The following KCNV1 variants were observed in gnomAD, a reference collection of about 807,000 sequenced individuals.
The protein encoded by KCNV1 is potassium voltage-gated channel subfamily V member 1.
In KCNV1, 2 loss-of-function variants were observed where a neutral mutation model predicts 36.4. That is an observed-to-expected ratio of 0.05 (90% CI 0.02 to 0.17). KCNV1 has a LOEUF of 0.17. Among genes scored for constraint, KCNV1 ranks in the 10% least tolerant of loss-of-function variants. The probability of loss-of-function intolerance (pLI) is 1.00; values close to 1 mark genes in which losing one functional copy is unlikely to be tolerated. For synonymous variants in KCNV1, 280 were observed against 261.1 expected, an observed-to-expected ratio of 1.07 and a Z score of -0.70; for missense variants, 321 against 643.6, an observed-to-expected ratio of 0.50 and a Z score of 5.42.
chr8:109,967,979 G>A lies in KCNV1; in HGVS notation c.*109C>T. 9.3e-7 allele frequency: 1 copy of A among 1,072,256 alleles called. No homozygotes were observed. The allele number at this position is 1,072,256 out of a possible 1,614,324, so 66.4% of individuals were successfully genotyped here. On this transcript the variant is annotated 3_prime_UTR_variant, in exon 4 of 4. Coordinates refer to ENST00000524391, the MANE Select transcript of KCNV1 (RefSeq NM_014379.4). ...CAATATATCAGCAAAAATTAATTAA[G>A]ATGAGCAGTACTCTGAAGAGACTCA...
chr8:109,974,238 C>T lies in KCNV1; in HGVS notation c.151G>A (p.Val51Met). ...FTVNVGGSRF[V>M]LSQQALSCFP... is the part of the protein sequence containing the mutation. ...CAGGACAGCGCCTGCTGCGAGAGCA[C>T]GAAGCGGCTGCCGCCCACGTTGACC... is the stretch of plus-strand genomic sequence containing the variant. The change falls in exon 2 of 4, where the codon GTG becomes ATG. Residue 51 changes from valine (V) to methionine (M), a missense_variant. Around this residue, in one of 5 missense-constraint regions of KCNV1, gnomAD observed 60 missense variants for 160.5 expected, o/e 0.37. Coordinates refer to ENST00000524391, the MANE Select transcript of KCNV1 (RefSeq NM_014379.4). The surrounding 1 kb of genome is among the most constrained non-coding windows in gnomAD (Gnocchi z 6.2). 1.9e-6 allele frequency: 3 copies of T among 1,565,468 alleles called. No homozygotes were observed. The highest frequency in any genetic ancestry group is 2.6e-6 in the Non-Finnish European group (3 of 1,156,432).
Position 109,966,207 on chromosome 8 carries a change from A to C in KCNV1, c.*1881T>G, listed in dbSNP as rs1270186048. ...TGAATACAGAGCATAGTCCTGGATC[A>C]GAGTAACTATTCTTATTAGGGAAAG... On this transcript the variant is annotated 3_prime_UTR_variant, in exon 4 of 4. Coordinates refer to ENST00000524391, the MANE Select transcript of KCNV1 (RefSeq NM_014379.4). The C allele has an allele frequency of 1.3e-5, 2 of 152,228 alleles. No individual in the cohort carries two copies. The highest frequency in any genetic ancestry group is 4.8e-5 in the African/African-American group (2 of 41,448). The allele number at this position is 152,228 out of a possible 1,614,324, so 9.4% of individuals were successfully genotyped here.
rs899963949 is a variant in KCNV1 at position 109,967,931 on chromosome 8, G to A, written c.*157C>T. The stretch of plus-strand genomic sequence containing the variant: ...ACACTGTGCAGTTGTTATAGGTGAT[G>A]TGAAATATTCTAGTAGATGAAGCAA... On this transcript the variant is annotated 3_prime_UTR_variant, in exon 4 of 4. Transcript: ENST00000524391. The A allele has an allele frequency of 4.3e-6, 3 of 703,942 alleles. No homozygotes were observed. Among genetic ancestry groups the A allele is most frequent in the Non-Finnish European group, 6.9e-6 (3 of 433,964 alleles). 43.6% of individuals were successfully genotyped at this position (703,942 alleles called of 1,614,324 possible).
intron 3 of KCNV1, among the ~76,000 whole-genome samples, chr8:109,969,864 AAAAG>A (rs1554645997): frequency 7.2e-5 from 11 of 151,752 alleles, no homozygotes; most frequent in East Asian, 1.9e-4. Context: ...AAAAAAAAAA[AAAAG>A]AAAGAAAGAA....
chr8:109,972,510 A>C lies in KCNV1; in HGVS notation c.739T>G (p.Tyr247Asp). Reference sequence around the variant, plus strand: ...CCGGTGAACCAGCTAATGCACACATACTCCAGGATTTCCAGCAGCTGCAGG... The same window carrying C: ...CCGGTGAACCAGCTAATGCACACATCCTCCAGGATTTCCAGCAGCTGCAGG... ...LDLQLLEILE[Y>D]VCISWFTGEF... The change falls in exon 3 of 4, where the codon TAT (tyrosine) becomes GAT (aspartate). Residue 247 changes from tyrosine to aspartate, a missense_variant. By Grantham distance (160) the Tyr-to-Asp change is radical. Around this residue, in one of 5 missense-constraint regions of KCNV1, gnomAD observed 141 missense variants for 225.0 expected, o/e 0.63. Coordinates refer to ENST00000524391, the MANE Select transcript of KCNV1 (RefSeq NM_014379.4). The surrounding 1 kb of genome is among the most constrained non-coding windows in gnomAD (Gnocchi z 5.2). The C allele has an allele frequency of 6.2e-7, 1 of 1,614,070 alleles. No homozygotes were observed. The highest frequency in any genetic ancestry group is 8.5e-7 in the Non-Finnish European group (1 of 1,180,016).
rs113449582 is a variant in KCNV1, at chr8:109,972,979, C to CTTTT, written c.462-196_462-193dup. On this transcript the variant is annotated intron_variant, in intron 2 of 3. Coordinates refer to ENST00000524391, the MANE Select transcript of KCNV1 (RefSeq NM_014379.4). The surrounding 1 kb of genome is among the most constrained non-coding windows in gnomAD (Gnocchi z 5.2). ...TCCCTTAGAATTATGATTATTTTTC[C>CTTTT]TTTTTTTTTTTTTTTTGAGACGGAG... 2.2e-5 allele frequency among the ~76,000 whole-genome samples: 3 copies of CTTTT among 134,492 alleles called. No homozygotes were observed. Among genetic ancestry groups the CTTTT allele is most frequent in the African/African-American group, 8.7e-5 (3 of 34,448 alleles). The allele number at this position is 134,492 out of a possible 152,430, so 88.2% of individuals were successfully genotyped here.
rs1327943269 is a variant in KCNV1 at position 109,965,197 on chromosome 8, A to T, written c.*2891T>A. On this transcript the variant is annotated 3_prime_UTR_variant, in exon 4 of 4. Transcript: ENST00000524391. ...GCACTCCAGCCTGGGCGACAGACGG[A>T]CACTCCGTCTCAAAAAACCAAACCA... 6.6e-6 allele frequency: 1 copy of T among 152,266 alleles called. No homozygotes were observed. The highest frequency in any genetic ancestry group is 2.4e-5 in the African/African-American group (1 of 41,462). 9.4% of individuals were successfully genotyped at this position (152,266 alleles called of 1,614,324 possible). A position where few individuals can be genotyped will look rare whatever the true frequency, so the allele number is the denominator to read the frequency against.
Position 109,972,349 on chromosome 8 carries a change from G to T in KCNV1, c.900C>A (p.Thr300=), listed in dbSNP as rs774275740. The T allele has an allele frequency of 6.2e-7, 1 of 1,614,166 alleles. No homozygotes were observed. The highest frequency in any genetic ancestry group is 8.5e-7 in the Non-Finnish European group (1 of 1,180,032). The stretch of plus-strand genomic sequence containing the variant: ...GCCCCACGTTCTCCAGCTCCTGCGT[G>T]GTCTGGCTCCCACTTAGGCTCTCTA... ...LLVESLSGSQ[T]TQELENVGRI... The change falls in exon 3 of 4, where the codon ACC becomes ACA. Residue 300 remains threonine (T), a synonymous_variant. Coordinates refer to ENST00000524391, the MANE Select transcript of KCNV1 (RefSeq NM_014379.4). The surrounding 1 kb of genome is among the most constrained non-coding windows in gnomAD (Gnocchi z 5.2).
rs1042201513 is a variant in KCNV1 at position 109,964,175 on chromosome 8, A to C, written c.*3913T>G. ...ACAAGAAAAAAAAATCCCATTAAAA[A>C]GTGGGCAAAGGATATGAACAGACAC... On this transcript the variant is annotated 3_prime_UTR_variant, in exon 4 of 4. Coordinates refer to ENST00000524391, the MANE Select transcript of KCNV1 (RefSeq NM_014379.4). The C allele has an allele frequency of 6.6e-6, 1 of 152,206 alleles. No homozygotes were observed. The highest frequency in any genetic ancestry group is 2.1e-4 in the South Asian group (1 of 4,834). 9.4% of individuals were successfully genotyped at this position (152,206 alleles called of 1,614,324 possible).
intron 3 of KCNV1, among the ~76,000 whole-genome samples, chr8:109,969,864 A>G (rs567896670): frequency 2.0e-4 from 31 of 151,860 alleles, no homozygotes; most frequent in East Asian, 1.2e-3. Flanking sequence ...AAAAAAAAAA[A>G]AAAGAAAGAA....
In KCNV1 at chr8:109,964,330, T is replaced by TA. The variant is rs1411780354; in HGVS notation, c.*3757dup. 1.4e-5 allele frequency: 2 copies of TA among 146,324 alleles called. No individual in the cohort carries two copies. The highest frequency in any genetic ancestry group is 6.7e-5 in the Admixed American group (1 of 14,970). The allele number at this position is 146,324 out of a possible 1,614,324, so 9.1% of individuals were successfully genotyped here. On this transcript the variant is annotated 3_prime_UTR_variant, in exon 4 of 4. Coordinates refer to ENST00000524391, the MANE Select transcript of KCNV1 (RefSeq NM_014379.4). ...TCACACTAGTCAGAATGGCTATTAT[T>TA]AAAAAGCAAAAAAAAAAAAGCAGAT...
rs1819973511 is a variant in KCNV1 at position 109,968,709 on chromosome 8, T to C, written c.992-110A>G. ...CCACCCACAAACTGCACTGCACACT[T>C]AAATGTCCCCAGCACTGGGCAATGT... On this transcript the variant is annotated intron_variant, in intron 3 of 3. Coordinates refer to ENST00000524391, the MANE Select transcript of KCNV1 (RefSeq NM_014379.4). This position sits in a 1 kb window ranked among gnomAD's most constrained non-coding sequence, Gnocchi z 5.3. 1 of 1,061,120 alleles carries C rather than the reference T, an allele frequency of 9.4e-7. No homozygotes were observed. The highest frequency in any genetic ancestry group is 1.6e-5 in the African/African-American group (1 of 62,612). 65.7% of individuals were successfully genotyped at this position (1,061,120 alleles called of 1,614,324 possible).
Position 109,968,063 on chromosome 8 carries a change from T to G in KCNV1, c.*25A>C. On this transcript the variant is annotated 3_prime_UTR_variant, in exon 4 of 4. Coordinates refer to ENST00000524391, the MANE Select transcript of KCNV1 (RefSeq NM_014379.4). The surrounding 1 kb of genome is among the most constrained non-coding windows in gnomAD (Gnocchi z 5.3). ...ATCATTTTAGTTAATTGTACATAGC[T>G]TTTGTAAATAAATTGAAAATTAATT... 1 of 1,591,500 alleles carries G rather than the reference T, an allele frequency of 6.3e-7. No homozygotes were observed. Among genetic ancestry groups the G allele is most frequent in the Non-Finnish European group, 8.6e-7 (1 of 1,168,088 alleles).
rs113449582 is a variant in KCNV1 at position 109,972,979 on chromosome 8, C to CTT, written c.462-194_462-193dup. 1.4e-3 allele frequency among the ~76,000 whole-genome samples: 191 copies of CTT among 134,472 alleles called. 1 individual carries two copies. Among genetic ancestry groups the CTT allele is most frequent in the African/African-American group, 4.4e-3 (152 of 34,492 alleles). 88.2% of individuals were successfully genotyped at this position (134,472 alleles called of 152,430 possible). On this transcript the variant is annotated intron_variant, in intron 2 of 3. Transcript: ENST00000524391. This position sits in a 1 kb window ranked among gnomAD's most constrained non-coding sequence, Gnocchi z 5.2. ...TCCCTTAGAATTATGATTATTTTTC[C>CTT]TTTTTTTTTTTTTTTTGAGACGGAG...
In KCNV1 at chr8:109,974,744, T is replaced by A. The variant is rs1820060362; in HGVS notation, c.-356A>T. On this transcript the variant is annotated 5_prime_UTR_variant, in exon 2 of 4. Coordinates refer to ENST00000524391, the MANE Select transcript of KCNV1 (RefSeq NM_014379.4). This position sits in a 1 kb window ranked among gnomAD's most constrained non-coding sequence, Gnocchi z 6.2. ...AACGTTGTCACCCCGCCTCCCAACT[T>A]CGCAATTGCGATTCCCAGCCCAGGA... The A allele has an allele frequency of 3.3e-6, 1 of 306,918 alleles. No homozygotes were observed. The highest frequency in any genetic ancestry group is 6.0e-6 in the Non-Finnish European group (1 of 165,504). The allele number at this position is 306,918 out of a possible 1,614,324, so 19.0% of individuals were successfully genotyped here.
chr8:109,974,406 C>T lies in KCNV1; in HGVS notation c.-18G>A, dbSNP rs1292120685. ...GAAGGCATCTCTAACCCAGTCGCCG[C>T]GGCCTGAGGGCGCCACAAAGTTGGG... On this transcript the variant is annotated 5_prime_UTR_variant, in exon 2 of 4. Transcript: ENST00000524391. This position sits in a 1 kb window ranked among gnomAD's most constrained non-coding sequence, Gnocchi z 6.2. The T allele has an allele frequency of 2.1e-6, 3 of 1,447,274 alleles. No individual in the cohort carries two copies. Among genetic ancestry groups the T allele is most frequent in the Non-Finnish European group, 2.7e-6 (3 of 1,102,184 alleles). 89.7% of individuals were successfully genotyped at this position (1,447,274 alleles called of 1,614,324 possible).
Position 109,968,083 on chromosome 8 carries a change from T to G in KCNV1, c.*5A>C. ...ATAGCTTTTGTAAATAAATTGAAAA[T>G]TAATTCAAAACCAGAAATCATCTCC... On this transcript the variant is annotated 3_prime_UTR_variant, in exon 4 of 4. Transcript: ENST00000524391. The surrounding 1 kb of genome is among the most constrained non-coding windows in gnomAD (Gnocchi z 5.3). The G allele has an allele frequency of 6.3e-7, 1 of 1,597,948 alleles. No individual in the cohort carries two copies. Among genetic ancestry groups the G allele is most frequent in the Non-Finnish European group, 8.5e-7 (1 of 1,171,268 alleles).
At chr8:109,970,528 G>A (rs1251994048) in intron 3 of KCNV1, among the ~76,000 whole-genome samples, 1 of 152,128 alleles carries the variant, frequency 6.6e-6, no homozygotes, top group Non-Finnish European at 1.5e-5. Context: ...GAAAGCTACA[G>A]AGCCAGGATT....
chr8:109,971,515 C>G (rs1275478839), intron 3 of KCNV1, among the ~76,000 whole-genome samples: 1 of 151,918 alleles, frequency 6.6e-6, no homozygotes, highest in Non-Finnish European at 1.5e-5. Flanking sequence ...TTTCACGTAT[C>G]TTATGTGTTT....
Sources: gnomAD v4.1 joint callset for allele counts (sites outside exome capture counted in the v4.1 genomes callset) on GRCh38, gnomAD v4.1.1 for gene constraint, gnomAD v4.1.1 regional missense constraint, Gnocchi (gnomAD v3.1) non-coding constraint, MANE v1.5 for transcripts, NCBI Gene and HGNC (gene_info 2026-07-23, HGNC 2026-07-21) for gene names.